TADA2A: variants seen among roughly 807,000 people sequenced by gnomAD.
TADA2A encodes the protein transcriptional adaptor 2A, also known as transcriptional adapter 2-alpha.
A neutral mutation model predicts 67.4 loss-of-function variants in TADA2A; 38 were observed. The observed-to-expected ratio is 0.56, with a 90% CI of 0.44 to 0.74. The LOEUF is 0.74. Among genes scored for constraint, TADA2A ranks in the 30% least tolerant of loss-of-function variants. TADA2A has a pLI of 0.00. For synonymous variants in TADA2A, 192 were observed against 181.6 expected, an observed-to-expected ratio of 1.06 and a Z score of -0.46; for missense variants, 454 against 547.0, an observed-to-expected ratio of 0.83 and a Z score of 1.70.
chr17:37,409,276 CGG>C (rs1258606252), intron 1 of TADA2A, among the ~76,000 whole-genome samples: 1 of 151,682 alleles, frequency 6.6e-6, no homozygotes, highest in Admixed American at 6.6e-5. Context: ...TTGGTAGAGA[CGG>C]GGTTCTCACT....
At chr17:37,458,130 G>T (rs532493227) in intron 8 of TADA2A, among the ~76,000 whole-genome samples, 1 of 152,004 alleles carries the variant, frequency 6.6e-6, no homozygotes, top group South Asian at 2.1e-4. Flanking sequence ...CTATGTGTCC[G>T]TGTGTTCTCA....
intron 8 of TADA2A, among the ~76,000 whole-genome samples, chr17:37,457,176 CTTT>C (rs34125875): frequency 9.4e-6 from 1 of 105,978 alleles, no homozygotes. Context: ...AATCATTATT[CTTT>C]TTTTTTTTTT....
chr17:37,415,324 G>A (rs534667741), intron 2 of TADA2A, among the ~76,000 whole-genome samples: 89 of 152,272 alleles, frequency 5.8e-4, no homozygotes, highest in African/African-American at 2.1e-3. Flanking sequence ...AGTTGGTAGA[G>A]GTTGTCCTCA....
chr17:37,423,461 T>G (rs1397898749), intron 2 of TADA2A, 48 bp from the exon 3 acceptor site: 1 of 1,416,084 alleles, frequency 7.1e-7, no homozygotes, highest in Non-Finnish European at 9.7e-7. Context: ...GCACTTAAGA[T>G]AACCGTAAGG....
intron 8 of TADA2A, among the ~76,000 whole-genome samples, chr17:37,457,192 T>C (rs551033555): frequency 6.7e-6 from 1 of 148,198 alleles, no homozygotes; most frequent in East Asian, 2.0e-4. Flanking sequence ...TTTTTTTTTT[T>C]TTTTTTGAGA....
chr17:37,477,085 A>C lies in TADA2A; in HGVS notation c.*103A>C. The C allele has an allele frequency of 2.5e-5, 31 of 1,237,292 alleles. No homozygotes were observed. Among genetic ancestry groups the C allele is most frequent in the East Asian group, 4.7e-5 (2 of 42,556 alleles). The allele number at this position is 1,237,292 out of a possible 1,614,324, so 76.6% of individuals were successfully genotyped here. On this transcript the variant is annotated 3_prime_UTR_variant, in exon 16 of 16. Coordinates refer to ENST00000615182, the MANE Select transcript of TADA2A (RefSeq NM_001166105.3). ...AGAGTTGTTTTTCAGCTGAATTCTC[A>C]TGGTGAAAACAGGGGAAAGGACAAA... is the stretch of plus-strand genomic sequence containing the variant.
intron 1 of TADA2A, 151 bp downstream of exon 1, chr17:37,407,100 TGGCGGGCC>T (rs1185384151): frequency 2.4e-5 from 2 of 83,604 alleles, no homozygotes; most frequent in African/African-American, 9.5e-5. Flanking sequence ...CGCGGCAGGC[TGGCGGGCC>T]GGCGGGCGGG....
chr17:37,454,596 G>A (rs1219266099), intron 8 of TADA2A: 4 of 182,542 alleles, frequency 2.2e-5, no homozygotes, highest in Non-Finnish European at 4.6e-5. Context: ...CCTGGCCAAG[G>A]GCATTCCTTT....
intron 8 of TADA2A, among the ~76,000 whole-genome samples, chr17:37,449,985 G>T (rs2053187314): frequency 6.6e-6 from 1 of 152,042 alleles, no homozygotes; most frequent in Admixed American, 6.6e-5. Flanking sequence ...CTAATCCAGG[G>T]GTGTCAATCT....
intron 13 of TADA2A, among the ~76,000 whole-genome samples, chr17:37,470,831 T>C (rs1335474248): frequency 1.3e-5 from 2 of 152,124 alleles, no homozygotes; most frequent in African/African-American, 4.8e-5. Context: ...TGGGGAATCA[T>C]GTTTGTATCC....
intron 5 of TADA2A, 46 bp from the exon 6 acceptor site, chr17:37,440,459 G>C (rs759169573): frequency 6.2e-7 from 1 of 1,602,676 alleles, no homozygotes; most frequent in South Asian, 1.1e-5. Context: ...TTAGTATTAT[G>C]TGTAAATACA....
intron 4 of TADA2A, among the ~76,000 whole-genome samples, chr17:37,429,809 C>A (rs2052519634): frequency 6.6e-6 from 1 of 152,030 alleles, no homozygotes; most frequent in Non-Finnish European, 1.5e-5. Flanking sequence ...CTTCCTCTAT[C>A]CATCTCTAAA....
intron 9 of TADA2A, among the ~76,000 whole-genome samples, 166 bp downstream of exon 9, chr17:37,458,753 T>TG (rs759943279): frequency 1.3e-4 from 19 of 151,900 alleles, no homozygotes; most frequent in Non-Finnish European, 2.8e-4. Flanking sequence ...AATGGCTCAC[T>TG]GCAGCCTCAA....
At chr17:37,433,880 G>C (rs907867334) in intron 4 of TADA2A, among the ~76,000 whole-genome samples, 2 of 152,030 alleles carry the variant, frequency 1.3e-5, no homozygotes, top group African/African-American at 2.4e-5. Context: ...CTTGAACCCA[G>C]GAGGTGGAGG....
chr17:37,423,705 G>C, intron 3 of TADA2A, 90 bp downstream of exon 3: 1 of 930,064 alleles, frequency 1.1e-6, no homozygotes, highest in Non-Finnish European at 1.6e-6. Flanking sequence ...CTGCTAAGGA[G>C]ATCTATGTCT....
intron 4 of TADA2A, chr17:37,436,428 C>T (rs3764430): frequency 0.24 from 36,334 of 152,034 alleles, 4,424 homozygotes; most frequent in Middle Eastern, 0.36. Context: ...GCTATGATCT[C>T]GGCTCACTGC....
chr17:37,420,028 A>G (rs1465764096), intron 2 of TADA2A, among the ~76,000 whole-genome samples: 2 of 144,230 alleles, frequency 1.4e-5, no homozygotes, highest in African/African-American at 5.0e-5. Flanking sequence ...AAAAAAAACT[A>G]CTTTGCTCAG....
At chr17:37,442,198 C>CTTTTTTTTTTTTTT (rs760306260) in intron 6 of TADA2A, among the ~76,000 whole-genome samples, 6 of 75,396 alleles carry the variant, frequency 8.0e-5, no homozygotes, top group Admixed American at 2.6e-4. Context: ...TTTTTCCCGT[C>CTTTTTTTTTTTTTT]TTTTTTTTTT....
At chr17:37,447,067 A>G (rs1217748103) in intron 8 of TADA2A, among the ~76,000 whole-genome samples, 1 of 152,232 alleles carries the variant, frequency 6.6e-6, no homozygotes, top group African/African-American at 2.4e-5. Flanking sequence ...AACTTATGTT[A>G]TTAATCTTTA....
Sources: allele counts gnomAD v4.1 joint callset (sites outside exome capture counted in the v4.1 genomes callset), GRCh38; gene constraint gnomAD v4.1.1; transcripts MANE v1.5; gene names NCBI Gene and HGNC (gene_info 2026-07-23, HGNC 2026-07-21).